Variants in NEB observed in about 807,000 individuals in gnomAD.
NEB encodes the protein nebulin, also known as nemaline myopathy type 2.
NEB carries 512 observed loss-of-function variants against 952.2 expected under a neutral mutation model. The observed-to-expected ratio is 0.54, with a 90% CI of 0.50 to 0.58. The LOEUF (loss-of-function observed/expected upper bound fraction) is 0.58. Ranked by LOEUF, NEB falls within the 20% of genes least tolerant of loss-of-function variation. NEB has a pLI of 0.00. For missense variants in NEB, 8,428 were observed against 9,231.1 expected (o/e 0.91, Z 3.56); for synonymous variants, 2,900 against 3,149.8 (o/e 0.92, Z 2.66).
rs1575291212 is a variant in NEB at position 151,656,173 on chromosome 2, T to C, written c.6475A>G (p.Met2159Val). Residue 2159 changes from methionine to valine, a missense_variant, in exon 49 of 182, where the codon ATG (methionine) becomes GTG (valine). Coordinates refer to ENST00000397345, the MANE Select transcript of NEB (RefSeq NM_001164508.2). ...CTTACATCACTCTGTATGCGATTCA[T>C]ATTCCTGGTCAGCTCAATGTTCATT... ...DAMNIELTRNMNRIQSDNEYK... is the reference protein window; with the variant it reads ...DAMNIELTRNVNRIQSDNEYK... 6.3e-7 allele frequency: 1 copy of C among 1,597,742 alleles called. No individual in the cohort carries two copies. Among genetic ancestry groups the C allele is most frequent in the South Asian group, 1.1e-5 (1 of 88,032 alleles).
chr2:151,581,664 T>C lies in NEB; in HGVS notation c.16180-77A>G, dbSNP rs1169092322. On this transcript the variant is annotated intron_variant, in intron 102 of 181. Coordinates refer to ENST00000397345, the MANE Select transcript of NEB (RefSeq NM_001164508.2). ...CCACATAAATAAAATTATAAAGTCA[T>C]AAAACATACTTGAATAAATGGATGA... 4.3e-5 allele frequency: 64 copies of C among 1,487,646 alleles called. 2 individuals are homozygous for C. The South Asian group carries it at 6.4e-4, about 15-fold the overall frequency. 92.2% of individuals were successfully genotyped at this position (1,487,646 alleles called of 1,614,324 possible).
chr2:151,614,225 G>A, intron 77 of NEB, 51 bp downstream of exon 77: 1 of 1,583,424 alleles, frequency 6.3e-7, no homozygotes, highest in Non-Finnish European at 8.6e-7. Context: ...TGGCACAAAA[G>A]AGTTAGAATG....
At chr2:151,609,442 A>T (rs935902717) in intron 81 of NEB, among the ~76,000 whole-genome samples, 2 of 152,104 alleles carry the variant, frequency 1.3e-5, no homozygotes, top group African/African-American at 4.8e-5. Flanking sequence ...CCATAATATA[A>T]TTATTTGATA....
intron 55 of NEB, 135 bp downstream of exon 55, chr2:151,645,995 A>C (rs898309320): frequency 1.5e-5 from 10 of 666,264 alleles, no homozygotes; most frequent in Non-Finnish European, 2.0e-5. Flanking sequence ...AAAGCCACTA[A>C]ATAAGGAATC....
intron 1 of NEB, among the ~76,000 whole-genome samples, chr2:151,734,109 T>C (rs938424593): frequency 1.3e-5 from 2 of 152,326 alleles, no homozygotes; most frequent in East Asian, 3.9e-4. Context: ...GTATCTTCTT[T>C]TTCACACTAA....
At chr2:151,725,222 C>T (rs1046935451) in intron 6 of NEB, among the ~76,000 whole-genome samples, 1 of 152,226 alleles carries the variant, frequency 6.6e-6, no homozygotes, top group African/African-American at 2.4e-5. Context: ...TGAGTTGGAG[C>T]TTCCATCTCA....
intron 3 of NEB, among the ~76,000 whole-genome samples, chr2:151,729,983 G>T (rs936965156): frequency 6.6e-6 from 1 of 152,158 alleles, no homozygotes; most frequent in Non-Finnish European, 1.5e-5. Context: ...GATAGAATTT[G>T]CTGAGAAGAG....
At chr2:151,614,184 G>A (rs2098119099) in intron 77 of NEB, 92 bp downstream of exon 77, 1 of 1,415,612 alleles carries the variant, frequency 7.1e-7, no homozygotes. Context: ...AGAGGTGTCT[G>A]TAGGTTTCAC....
At position 151,617,505 on chromosome 2, in the gene NEB, A is replaced by AG. The variant is rs773113625; in HGVS notation, c.11077-38_11077-37insC. On this transcript the variant is annotated intron_variant, in intron 74 of 181. Transcript: ENST00000397345. ...AAAAAAAAAGAGAGAGAGAGAGAGA[A>AG]AAATTATTTTGGTGTTCACAGATAT... 9.8e-6 allele frequency: 12 copies of AG among 1,229,462 alleles called. 1 individual carries two copies. Among genetic ancestry groups the AG allele is most frequent in the South Asian group, 4.4e-5 (3 of 68,454 alleles). The allele number at this position is 1,229,462 out of a possible 1,614,324, so 76.2% of individuals were successfully genotyped here. A position where few individuals can be genotyped will look rare whatever the true frequency, so the allele number is the denominator to read the frequency against.
At chr2:151,696,778 C>G (rs1375692667) in intron 16 of NEB, 43 bp from the exon 17 acceptor site, 2 of 1,490,798 alleles carry the variant, frequency 1.3e-6, no homozygotes, top group Non-Finnish European at 9.4e-7. Context: ...TATCACCTGT[C>G]AGATCCAAGG....
At chr2:151,555,156 T>A (rs1368609164) in intron 124 of NEB, 112 bp from the exon 125 acceptor site, 1 of 716,790 alleles carries the variant, frequency 1.4e-6, no homozygotes, top group Non-Finnish European at 2.4e-6. Context: ...CCACCCAGCG[T>A]TGGGGACAAC....
chr2:151,508,031 G>A lies in NEB; in HGVS notation c.23425C>T (p.Arg7809Trp), dbSNP rs762220487. The A allele has an allele frequency of 2.7e-5, 43 of 1,609,764 alleles. No homozygotes were observed. Among genetic ancestry groups the A allele is most frequent in the Non-Finnish European group, 3.3e-5 (39 of 1,177,872 alleles). ...AGGCTGAAGTTCTTTTGGTTCTCCCGGACTCTCTGTATCTCTGGGGTGTCC... is the reference window on the plus strand; with the variant it reads ...AGGCTGAAGTTCTTTTGGTTCTCCCAGACTCTCTGTATCTCTGGGGTGTCC... ...VLDTPEIQRV[R>W]ENQKNFSLLQ... The change falls in exon 162 of 182, where the codon CGG becomes TGG. Residue 7809 changes from arginine to tryptophan, a missense_variant. Arg to Trp is a moderately radical substitution (Grantham distance 101). This residue lies in a region of NEB where 3,374 missense variants were observed against 3,651.5 expected (regional missense o/e 0.92). Transcript: ENST00000397345.
In NEB at chr2:151,656,177, C is replaced by A; in HGVS notation, c.6471G>T (p.Arg2157Ser). ...CATCACTCTGTATGCGATTCATATT[C>A]CTGGTCAGCTCAATGTTCATTGCAT... ...LPDAMNIELT[R>S]NMNRIQSDNE... The change falls in exon 49 of 182, where the codon AGG (arginine) becomes AGT (serine). Residue 2157 changes from arginine to serine, a missense_variant. Arg to Ser is a moderately radical substitution (Grantham distance 110, BLOSUM62 -1). Around this residue, in one of 11 missense-constraint regions of NEB, gnomAD observed 2,851 missense variants for 2,791.5 expected, o/e 1.02. Coordinates refer to ENST00000397345, the MANE Select transcript of NEB (RefSeq NM_001164508.2). 1 of 1,600,270 alleles carries A rather than the reference C, an allele frequency of 6.2e-7. No individual in the cohort carries two copies. The highest frequency in any genetic ancestry group is 8.5e-7 in the Non-Finnish European group (1 of 1,172,006).
Position 151,490,353 on chromosome 2 carries a change from C to T in NEB, c.25297+19G>A. ...GCTGGCCGGGTGGGACTGCCAAAAT[C>T]AGCGCCAGGCACTTGTACCTGTTGA... On this transcript the variant is annotated intron_variant, in intron 180 of 181. Transcript: ENST00000397345. The T allele has an allele frequency of 6.3e-7, 1 of 1,581,894 alleles. No individual in the cohort carries two copies. The highest frequency in any genetic ancestry group is 1.8e-5 in the Admixed American group (1 of 56,238).
rs758537072 is a variant in NEB, at chr2:151,568,178, A to G, written c.17737T>C (p.Tyr5913His). 2 of 1,612,400 alleles carry G rather than the reference A, an allele frequency of 1.2e-6. No homozygotes were observed. The highest frequency in any genetic ancestry group is 1.7e-6 in the Non-Finnish European group (2 of 1,178,874). The change falls in exon 113 of 182, where the codon TAT becomes CAT. Residue 5913 changes from tyrosine (Y) to histidine (H), a missense_variant and splice_region_variant. Physicochemically the swap from Tyr to His is moderately conservative, Grantham distance 83. Transcript: ENST00000397345. Reference sequence around the variant, plus strand: ...CTCTCCCAGCCTTCCTTGTAGAGATACTGAAAGACAGAGCCACCATAAAGG... The same window carrying G: ...CTCTCCCAGCCTTCCTTGTAGAGATGCTGAAAGACAGAGCCACCATAAAGG... Reference protein sequence around the residue: ...AQEAARILDQYLYKEGWERQK... With the variant: ...AQEAARILDQHLYKEGWERQK...
At chr2:151,519,853 G>C in intron 153 of NEB, 85 bp from the exon 154 acceptor site, 5 of 853,858 alleles carry the variant, frequency 5.9e-6, no homozygotes, top group South Asian at 5.4e-5. Context: ...AAATGCCAAA[G>C]AATATGCATT....
intron 29 of NEB, among the ~76,000 whole-genome samples, chr2:151,681,197 G>A (rs1367017229): frequency 6.6e-6 from 1 of 152,186 alleles, no homozygotes; most frequent in Non-Finnish European, 1.5e-5. Context: ...GAGTGCCTTT[G>A]CATGGCACAA....
chr2:151,657,155 CAAATTACT>C lies in NEB; in HGVS notation c.6184-699_6184-692del, dbSNP rs2099094359. ...AGTTGGGGGTAGAAGCTAGTAGAGC[CAAATTACT>C]CCAGCGTAATAGAGGGGAGAAGAAT... On this transcript the variant is annotated intron_variant, in intron 48 of 181. Coordinates refer to ENST00000397345, the MANE Select transcript of NEB (RefSeq NM_001164508.2). 2.0e-5 allele frequency among the ~76,000 whole-genome samples: 3 copies of C among 151,976 alleles called. No individual in the cohort carries two copies. In the South Asian group the frequency reaches 6.2e-4, roughly 31 times the overall value.
intron 32 of NEB, among the ~76,000 whole-genome samples, chr2:151,679,265 A>T (rs1441731929): frequency 6.6e-6 from 1 of 152,228 alleles, no homozygotes; most frequent in Non-Finnish European, 1.5e-5. Context: ...TAACTGTAAT[A>T]GAACCCAAAG....
Sources: gnomAD v4.1 joint callset for allele counts (sites outside exome capture counted in the v4.1 genomes callset) on GRCh38, gnomAD v4.1.1 for gene constraint, gnomAD v4.1.1 regional missense constraint, MANE v1.5 for transcripts, NCBI Gene and HGNC (gene_info 2026-07-23, HGNC 2026-07-21) for gene names.